The following DSG2 variants were observed in gnomAD, a reference collection of about 807,000 sequenced individuals.
DSG2 encodes desmoglein-2.
DSG2 carries 45 observed loss-of-function variants against 75.6 expected under a neutral mutation model. The ratio of observed to expected loss-of-function variants is 0.60; its 90% CI spans 0.47 to 0.76. The LOEUF (loss-of-function observed/expected upper bound fraction) is 0.76, where lower values mean the gene tolerates loss of function less well. Among genes scored for constraint, DSG2 ranks in the 30% least tolerant of loss-of-function variants. The probability of loss-of-function intolerance (pLI) is 0.00; values close to 1 mark genes in which losing one functional copy is unlikely to be tolerated. For synonymous variants in DSG2, 429 were observed against 483.9 expected (o/e 0.89, Z 1.49); for missense variants, 1,267 against 1,357.4 (o/e 0.93, Z 1.05).
At chr18:31,504,566 GA>G (rs1314276381) in intron 1 of DSG2, among the ~76,000 whole-genome samples, 17 of 152,254 alleles carry the variant, frequency 1.1e-4, no homozygotes, top group Non-Finnish European at 2.1e-4. Flanking sequence ...GCAGACGGCA[GA>G]GGGGGGGACA....
At chr18:31,511,311 TC>T (rs2073065410) in intron 1 of DSG2, among the ~76,000 whole-genome samples, 1 of 152,134 alleles carries the variant, frequency 6.6e-6, no homozygotes, top group Non-Finnish European at 1.5e-5. Flanking sequence ...GGCATTTATC[TC>T]CCCTACCTCG....
At chr18:31,516,831 C>G (rs1241895527) in intron 1 of DSG2, among the ~76,000 whole-genome samples, 1 of 152,166 alleles carries the variant, frequency 6.6e-6, no homozygotes, top group Non-Finnish European at 1.5e-5. Context: ...CCCTGGTGGT[C>G]ACTGACAACA....
chr18:31,538,726 T>A, intron 11 of DSG2, 25 bp from the exon 12 acceptor site: 1 of 1,600,560 alleles, frequency 6.2e-7, no homozygotes. Context: ...TCGTTTTTAT[T>A]TCCTTCTGCC....
At position 31,535,306 on chromosome 18, in the gene DSG2, T is replaced by C. The variant is rs727505064; in HGVS notation, c.1317T>C (p.Ser439=). ...TAGAAGATAGAGATAATTGGATCTCTGTGGATTCTGTCACATCTGAAATTA... is the reference window on the plus strand; with the variant it reads ...TAGAAGATAGAGATAATTGGATCTCCGTGGATTCTGTCACATCTGAAATTA... ...VKLEDRDNWI[S]VDSVTSEIKL... The change falls in exon 10 of 15, where the codon TCT becomes TCC. Residue 439 remains serine, a synonymous_variant. Coordinates refer to ENST00000261590, the MANE Select transcript of DSG2 (RefSeq NM_001943.5). 2 of 1,596,838 alleles carry C rather than the reference T, an allele frequency of 1.3e-6. No homozygotes were observed. Among genetic ancestry groups the C allele is most frequent in the Middle Eastern group, 1.7e-4 (1 of 5,976 alleles).
At chr18:31,530,910 C>T (rs2073192639) in intron 8 of DSG2, 77 bp from the exon 9 acceptor site, 1 of 1,421,640 alleles carries the variant, frequency 7.0e-7, no homozygotes, top group Non-Finnish European at 9.8e-7. Context: ...AACATTAAAA[C>T]CACACATGTA....
chr18:31,498,645 T>G (rs1302015760), intron 1 of DSG2, among the ~76,000 whole-genome samples: 2 of 152,122 alleles, frequency 1.3e-5, no homozygotes, highest in Non-Finnish European at 2.9e-5. Context: ...GTTGAGAGTC[T>G]CTGGGACGAG....
chr18:31,535,293 A>G lies in DSG2; in HGVS notation c.1304A>G (p.Asp435Gly), dbSNP rs767684377. 6.3e-6 allele frequency: 10 copies of G among 1,593,662 alleles called. 1 individual carries two copies. In the Middle Eastern group the frequency reaches 1.5e-3, roughly 239 times the overall value. ...AGATATGTAAAATTAGAAGATAGAG[A>G]TAATTGGATCTCTGTGGATTCTGTC... ...HARYVKLEDR[D>G]NWISVDSVTS... Residue 435 changes from aspartate to glycine, a missense_variant, in exon 10 of 15, where the codon GAT becomes GGT. Coordinates refer to ENST00000261590, the MANE Select transcript of DSG2 (RefSeq NM_001943.5).
chr18:31,534,698 C>T (rs947502404), intron 9 of DSG2, among the ~76,000 whole-genome samples: 7 of 151,758 alleles, frequency 4.6e-5, no homozygotes, highest in Admixed American at 6.6e-5. Flanking sequence ...TTAGTAGAGA[C>T]GGGGTTTCAC....
rs756338201 is a variant in DSG2 at position 31,545,896 on chromosome 18, C to A, written c.2510C>A (p.Ala837Asp). ...TTGGGACTTAAATTCAAGACACTAGCTGAAGTTTGCCTGGGTCAAAAAATA... is the reference window on the plus strand; with the variant it reads ...TTGGGACTTAAATTCAAGACACTAGATGAAGTTTGCCTGGGTCAAAAAATA... ...DDLGLKFKTL[A>D]EVCLGQKIDI... The change falls in exon 15 of 15, where the codon GCT becomes GAT. Residue 837 changes from alanine (A) to aspartate (D), a missense_variant. Ala to Asp is a moderately radical substitution (Grantham distance 126). Transcript: ENST00000261590. 27 of 1,613,996 alleles carry A rather than the reference C, an allele frequency of 1.7e-5. No individual in the cohort carries two copies. The highest frequency in any genetic ancestry group is 2.3e-5 in the Non-Finnish European group (27 of 1,180,022).
intron 4 of DSG2, 29 bp from the exon 5 acceptor site, chr18:31,521,070 A>C (rs775988026): frequency 6.2e-7 from 1 of 1,613,486 alleles, no homozygotes; most frequent in African/African-American, 1.3e-5. Flanking sequence ...CTTAGCTTAA[A>C]TCTAATCTTA....
intron 14 of DSG2, among the ~76,000 whole-genome samples, chr18:31,545,043 T>G (rs1358478892): frequency 6.6e-6 from 1 of 152,200 alleles, no homozygotes; most frequent in Non-Finnish European, 1.5e-5. Flanking sequence ...GTGGGTGGTG[T>G]CAAGCAAAAC....
intron 12 of DSG2, 44 bp downstream of exon 12, chr18:31,539,022 G>A (rs898323627): frequency 1.3e-6 from 2 of 1,554,470 alleles, no homozygotes; most frequent in Admixed American, 1.7e-5. Context: ...GGGAATCTGA[G>A]TGCACTCCTG....
intron 1 of DSG2, among the ~76,000 whole-genome samples, chr18:31,506,113 A>G (rs2073038128): frequency 6.6e-6 from 1 of 152,132 alleles, no homozygotes. Flanking sequence ...CATTTTTTGA[A>G]TATCCGCTGT....
chr18:31,515,972 G>A (rs1221340993), intron 1 of DSG2, among the ~76,000 whole-genome samples: 2 of 152,192 alleles, frequency 1.3e-5, no homozygotes, highest in African/African-American at 2.4e-5. Context: ...ATGGGAAAAG[G>A]CAAACAACTG....
At chr18:31,540,137 C>T (rs1173033996) in intron 12 of DSG2, among the ~76,000 whole-genome samples, 11 of 152,050 alleles carry the variant, frequency 7.2e-5, no homozygotes, top group Admixed American at 7.2e-4. Context: ...ATAAAGTACA[C>T]AATAAATGTA....
intron 2 of DSG2, among the ~76,000 whole-genome samples, chr18:31,519,162 A>G (rs1446800134): frequency 6.6e-6 from 1 of 152,198 alleles, no homozygotes; most frequent in East Asian, 1.9e-4. Context: ...CGTTTTTGAC[A>G]TGATCTGTTA....
chr18:31,508,932 A>G (rs965268973), intron 1 of DSG2, among the ~76,000 whole-genome samples: 1 of 152,144 alleles, frequency 6.6e-6, no homozygotes, highest in African/African-American at 2.4e-5. Context: ...ATCCAGACCT[A>G]CTGAGTCAGA....
At chr18:31,505,868 G>A (rs1195029267) in intron 1 of DSG2, among the ~76,000 whole-genome samples, 20 of 152,040 alleles carry the variant, frequency 1.3e-4, no homozygotes. Flanking sequence ...CACCATGTTG[G>A]CCAGAATGGT....
At chr18:31,541,607 G>A (rs923544918) in intron 13 of DSG2, among the ~76,000 whole-genome samples, 1 of 152,134 alleles carries the variant, frequency 6.6e-6, no homozygotes, top group Non-Finnish European at 1.5e-5. Flanking sequence ...AACATTAAAT[G>A]GGCAGTTTTC....
Sources: allele counts gnomAD v4.1 joint callset (sites outside exome capture counted in the v4.1 genomes callset), GRCh38; gene constraint gnomAD v4.1.1; transcripts MANE v1.5; gene names NCBI Gene and HGNC (gene_info 2026-07-23, HGNC 2026-07-21).